Variants in SLC25A24 observed in about 807,000 individuals in gnomAD.
SLC25A24 encodes the protein mitochondrial adenyl nucleotide antiporter SLC25A24.
Under a neutral mutation model 60.7 loss-of-function variants are expected in SLC25A24, and 49 were observed. The observed-to-expected ratio is 0.81, with a 90% CI of 0.64 to 1.02. The LOEUF (loss-of-function observed/expected upper bound fraction) is 1.02. Ranked by LOEUF, SLC25A24 falls within the 50% of genes least tolerant of loss-of-function variation. The pLI is 0.00. For synonymous variants in SLC25A24, 202 were observed against 200.6 expected, an observed-to-expected ratio of 1.01 and a Z score of -0.06; for missense variants, 564 against 586.3, an observed-to-expected ratio of 0.96 and a Z score of 0.39.
intron 1 of SLC25A24, among the ~76,000 whole-genome samples, chr1:108,189,910 G>C (rs1648290501): frequency 6.6e-6 from 1 of 151,194 alleles, no homozygotes; most frequent in South Asian, 2.1e-4. Flanking sequence ...GTATATATAG[G>C]GTTCAATATT....
At chr1:108,145,850 C>T (rs1467541523) in intron 7 of SLC25A24, among the ~76,000 whole-genome samples, 1 of 152,004 alleles carries the variant, frequency 6.6e-6, no homozygotes, top group Admixed American at 6.6e-5. Flanking sequence ...CCTCCAGCTT[C>T]GTTCATTTTG....
intron 3 of SLC25A24, among the ~76,000 whole-genome samples, chr1:108,164,613 G>A (rs1026787406): frequency 6.7e-6 from 1 of 149,282 alleles, no homozygotes; most frequent in Admixed American, 6.6e-5. Flanking sequence ...ATGGTAGTTT[G>A]TATTTCTGTG....
rs1679256059 is a variant in SLC25A24 at position 108,135,437 on chromosome 1, C to T, written c.*1216G>A. ...ATAACTTCAACTAGTAAATATTTTT[C>T]TAAGTTCTAATCACACAAATAAGAA... is the stretch of plus-strand genomic sequence containing the variant. On this transcript the variant is annotated 3_prime_UTR_variant, in exon 10 of 10. Coordinates refer to ENST00000565488, the MANE Select transcript of SLC25A24 (RefSeq NM_013386.5). 6.6e-6 allele frequency: 1 copy of T among 152,414 alleles called. No homozygotes were observed. Among genetic ancestry groups the T allele is most frequent in the African/African-American group, 2.4e-5 (1 of 41,410 alleles). The allele number at this position is 152,414 out of a possible 1,614,324, so 9.4% of individuals were successfully genotyped here.
chr1:108,148,825 T>C (rs1002225118), intron 6 of SLC25A24, among the ~76,000 whole-genome samples: 2 of 152,120 alleles, frequency 1.3e-5, no homozygotes, highest in African/African-American at 4.8e-5. Context: ...ACAAATCAGC[T>C]CCTAGAAATC....
At chr1:108,146,647 GGCCTTTTCT>G (rs1456626258) in intron 7 of SLC25A24, among the ~76,000 whole-genome samples, 1 of 152,144 alleles carries the variant, frequency 6.6e-6, no homozygotes, top group Non-Finnish European at 1.5e-5. Context: ...TTTTATCGAA[GGCCTTTTCT>G]GCATCTATTG....
intron 7 of SLC25A24, among the ~76,000 whole-genome samples, chr1:108,146,622 T>C (rs185949875): frequency 4.6e-5 from 7 of 152,254 alleles, no homozygotes; most frequent in Admixed American, 3.3e-4. Flanking sequence ...GTTTTTAACA[T>C]GAAGTGGTGT....
At chr1:108,161,940 C>T (rs1164042324) in intron 3 of SLC25A24, among the ~76,000 whole-genome samples, 3 of 127,706 alleles carry the variant, frequency 2.3e-5, no homozygotes, top group Non-Finnish European at 5.0e-5. Flanking sequence ...AATGCCATCC[C>T]TCCCCCTCCC....
At position 108,157,597 on chromosome 1, in the gene SLC25A24, T is replaced by C. The variant is rs745423891; in HGVS notation, c.534A>G (p.Leu178=). ...HSTGIDIGDS[L]TIPDEFTEDE... The stretch of plus-strand genomic sequence containing the variant: ...CTTCCGTGAATTCATCTGGAATAGT[T>C]AAGCTATCCCCTATGTCAATTCCCT... The change falls in exon 5 of 10, where the codon TTA becomes TTG. Residue 178 remains leucine (L), a synonymous_variant. Coordinates refer to ENST00000565488, the MANE Select transcript of SLC25A24 (RefSeq NM_013386.5). 3.1e-6 allele frequency: 5 copies of C among 1,614,092 alleles called. No homozygotes were observed. The highest frequency in any genetic ancestry group is 3.4e-6 in the Non-Finnish European group (4 of 1,179,988).
At position 108,192,721 on chromosome 1, in the gene SLC25A24, G is replaced by T. The variant is rs113296339; in HGVS notation, c.184-6767C>A. On this transcript the variant is annotated intron_variant, in intron 1 of 9. Coordinates refer to ENST00000565488, the MANE Select transcript of SLC25A24 (RefSeq NM_013386.5). ...CTCTGCCCACCACACACGTCCAGTG[G>T]GAAGAGGCCTAAGACAGCATCCTCC... 9.1e-6 allele frequency: 13 copies of T among 1,424,890 alleles called. 2 individuals are homozygous for T. In the African/African-American group the frequency reaches 9.6e-5, roughly 11 times the overall value. The allele number at this position is 1,424,890 out of a possible 1,614,324, so 88.3% of individuals were successfully genotyped here. A position where few individuals can be genotyped will look rare whatever the true frequency, so the allele number is the denominator to read the frequency against.
At chr1:108,197,457 A>C (rs1261656639) in intron 1 of SLC25A24, among the ~76,000 whole-genome samples, 2 of 152,120 alleles carry the variant, frequency 1.3e-5, no homozygotes, top group Admixed American at 1.3e-4. Context: ...GAGTCACCCC[A>C]CAGTTCTCAT....
chr1:108,196,002 G>GA (rs374038234), intron 1 of SLC25A24, among the ~76,000 whole-genome samples: 5,517 of 106,038 alleles, frequency 0.052, 250 homozygotes, highest in African/African-American at 0.13. Flanking sequence ...TCTGTCTCCA[G>GA]AAAAAAAAAA....
chr1:108,167,772 G>A (rs1417457264), intron 3 of SLC25A24, among the ~76,000 whole-genome samples: 1 of 152,236 alleles, frequency 6.6e-6, no homozygotes, highest in Non-Finnish European at 1.5e-5. Flanking sequence ...CACGCTGGGA[G>A]CTGTAGACCA....
chr1:108,160,756 C>T (rs1019311798), intron 4 of SLC25A24, among the ~76,000 whole-genome samples: 3 of 152,210 alleles, frequency 2.0e-5, no homozygotes, highest in South Asian at 2.1e-4. Flanking sequence ...GAGACCAGCC[C>T]GGCCAACATA....
chr1:108,189,554 C>G (rs1558027822), intron 1 of SLC25A24, among the ~76,000 whole-genome samples: 1 of 151,876 alleles, frequency 6.6e-6, no homozygotes, highest in Non-Finnish European at 1.5e-5. Flanking sequence ...GTGGCTCACG[C>G]CTGTAATCCC....
chr1:108,162,527 C>A (rs1347873670), intron 3 of SLC25A24, among the ~76,000 whole-genome samples: 1 of 150,288 alleles, frequency 6.7e-6, no homozygotes, highest in Non-Finnish European at 1.5e-5. Context: ...TTTTGATTTG[C>A]ATTTCTCTGA....
At position 108,200,184 on chromosome 1, in the gene SLC25A24, C is replaced by G. The variant is rs778687182; in HGVS notation, c.-46G>C. ...CCTGGCCGAGGAAGTCACGGGAGAT[C>G]GAGGGCTGCGGGGCGAGACCGGGAC... On this transcript the variant is annotated 5_prime_UTR_variant, in exon 1 of 10. Coordinates refer to ENST00000565488, the MANE Select transcript of SLC25A24 (RefSeq NM_013386.5). 1.2e-5 allele frequency: 18 copies of G among 1,502,232 alleles called. No homozygotes were observed. In the South Asian group the frequency reaches 2.3e-4, roughly 19 times the overall value. The allele number at this position is 1,502,232 out of a possible 1,614,324, so 93.1% of individuals were successfully genotyped here. A position where few individuals can be genotyped will look rare whatever the true frequency, so the allele number is the denominator to read the frequency against.
At chr1:108,155,783 G>C (rs1186736058) in intron 5 of SLC25A24, among the ~76,000 whole-genome samples, 1 of 152,110 alleles carries the variant, frequency 6.6e-6, no homozygotes, top group African/African-American at 2.4e-5. Context: ...TGTGAGTACT[G>C]ATAAATTACT....
intron 7 of SLC25A24, 131 bp from the exon 8 acceptor site, chr1:108,143,841 T>C (rs1240724410): frequency 4.1e-6 from 3 of 727,130 alleles, no homozygotes; most frequent in South Asian, 1.9e-5. Flanking sequence ...AATTTGTTGA[T>C]ACATTCTCTT....
intron 8 of SLC25A24, among the ~76,000 whole-genome samples, 166 bp from the exon 9 acceptor site, chr1:108,139,374 G>A (rs1351192833): frequency 1.3e-5 from 2 of 152,220 alleles, no homozygotes; most frequent in Non-Finnish European, 2.9e-5. Flanking sequence ...GTGGAGAGGT[G>A]GGAGGCCACT....
Sources: allele counts gnomAD v4.1 joint callset (sites outside exome capture counted in the v4.1 genomes callset), GRCh38; gene constraint gnomAD v4.1.1; transcripts MANE v1.5; gene names NCBI Gene and HGNC (gene_info 2026-07-23, HGNC 2026-07-21).